Variants in DNAH11 observed in about 807,000 individuals in gnomAD.
DNAH11 encodes the protein axonemal beta dynein heavy chain 11.
Under a neutral mutation model 526.0 loss-of-function variants are expected in DNAH11, and 442 were observed. That is an observed-to-expected ratio of 0.84 (90% CI 0.78 to 0.91). The LOEUF is 0.91. Ranked by LOEUF, DNAH11 falls within the 40% of genes least tolerant of loss-of-function variation. The pLI, the probability that DNAH11 is intolerant of heterozygous loss-of-function variation, is 0.00. For synonymous variants in DNAH11, 2,461 were observed against 1,935.9 expected (o/e 1.27, Z -7.12); for missense variants, 6,989 against 5,448.7 (o/e 1.28, Z -8.90).
At chr7:21,657,452 G>A (rs1032729553) in intron 29 of DNAH11, among the ~76,000 whole-genome samples, 21 of 152,166 alleles carry the variant, frequency 1.4e-4, no homozygotes, top group African/African-American at 4.3e-4. Flanking sequence ...AGTTCTCAAA[G>A]CATACTGAGT....
chr7:21,778,827 G>A (rs780978165), intron 56 of DNAH11, 131 bp from the exon 57 acceptor site: 30 of 1,102,302 alleles, frequency 2.7e-5, no homozygotes, highest in Non-Finnish European at 3.7e-5. Context: ...AGAAGACAGT[G>A]AAAATCAGGG....
At chr7:21,809,573 GTTTT>G (rs910929453) in intron 63 of DNAH11, among the ~76,000 whole-genome samples, 6 of 151,764 alleles carry the variant, frequency 4.0e-5, no homozygotes, top group Admixed American at 3.9e-4. Context: ...GTTATATTTT[GTTTT>G]TTTGAGACGG....
At chr7:21,653,090 G>A (rs1417288538) in intron 28 of DNAH11, among the ~76,000 whole-genome samples, 1 of 152,116 alleles carries the variant, frequency 6.6e-6, no homozygotes, top group African/African-American at 2.4e-5. Context: ...TGGTCAGGCT[G>A]GTTTGGAACT....
At chr7:21,669,529 G>A (rs915264786) in intron 30 of DNAH11, among the ~76,000 whole-genome samples, 2 of 151,972 alleles carry the variant, frequency 1.3e-5, no homozygotes, top group Non-Finnish European at 1.5e-5. Flanking sequence ...TTTTTTGTTC[G>A]AAAATGGACT....
At chr7:21,705,430 G>A in intron 38 of DNAH11, 30 bp from the exon 39 acceptor site, 1 of 1,612,284 alleles carries the variant, frequency 6.2e-7, no homozygotes, top group Non-Finnish European at 8.5e-7. Flanking sequence ...CTCCTTAAAG[G>A]AAACCAGCAA....
At chr7:21,746,581 C>T (rs1583653954) in intron 51 of DNAH11, among the ~76,000 whole-genome samples, 1 of 152,028 alleles carries the variant, frequency 6.6e-6, no homozygotes, top group East Asian at 1.9e-4. Context: ...CTAGCCTAAG[C>T]AACAGAGTGA....
chr7:21,762,517 T>A (rs1786966956), intron 54 of DNAH11, among the ~76,000 whole-genome samples: 1 of 152,154 alleles, frequency 6.6e-6, no homozygotes, highest in Admixed American at 6.5e-5. Flanking sequence ...GGAGAAATAT[T>A]CAAGTATAAG....
At chr7:21,872,139 A>AAAAACAAACAAAC (rs1206706578) in intron 73 of DNAH11, among the ~76,000 whole-genome samples, 1 of 113,960 alleles carries the variant, frequency 8.8e-6, no homozygotes, top group African/African-American at 5.1e-5. Context: ...AAAAAAAAAA[A>AAAAACAAACAAAC]AAAAAAAAAA....
intron 44 of DNAH11, among the ~76,000 whole-genome samples, chr7:21,721,774 G>T (rs1784884276): frequency 6.6e-6 from 1 of 152,104 alleles, no homozygotes; most frequent in South Asian, 2.1e-4. Flanking sequence ...GTGGGATGTG[G>T]GAGGGGGGAT....
chr7:21,733,393 A>T (rs555994215), intron 45 of DNAH11, among the ~76,000 whole-genome samples: 33 of 152,314 alleles, frequency 2.2e-4, no homozygotes, highest in African/African-American at 7.7e-4. Flanking sequence ...CATCTCAAAA[A>T]AAAAGAAGCA....
At chr7:21,726,200 A>G (rs546487438) in intron 45 of DNAH11, among the ~76,000 whole-genome samples, 1 of 152,170 alleles carries the variant, frequency 6.6e-6, no homozygotes, top group Non-Finnish European at 1.5e-5. Context: ...CCAAAGGGGA[A>G]ACAAGAGAGA....
Position 21,861,850 on chromosome 7 carries a change from C to T in DNAH11, c.11203-3C>T, listed in dbSNP as rs373527924. Reference sequence around the variant, plus strand: ...ATTTTAATGGTCACATTAAATTTCCCAGGCTTTTAACGTGCTGTTCCACAG... The same window carrying T: ...ATTTTAATGGTCACATTAAATTTCCTAGGCTTTTAACGTGCTGTTCCACAG... On this transcript the variant is annotated splice_region_variant and splice_polypyrimidine_tract_variant and intron_variant, in intron 68 of 81. Transcript: ENST00000409508. The T allele has an allele frequency of 6.2e-7, 1 of 1,608,824 alleles. No homozygotes were observed. The highest frequency in any genetic ancestry group is 1.3e-5 in the African/African-American group (1 of 74,644).
intron 8 of DNAH11, among the ~76,000 whole-genome samples, chr7:21,579,533 G>T (rs1164161479): frequency 6.6e-6 from 1 of 152,148 alleles, no homozygotes; most frequent in East Asian, 1.9e-4. Context: ...AAATAGAAAT[G>T]AAGCAGGTGA....
chr7:21,894,978 C>A lies in DNAH11; in HGVS notation c.13028C>A (p.Ser4343Tyr). 1 of 1,613,962 alleles carries A rather than the reference C, an allele frequency of 6.2e-7. No individual in the cohort carries two copies. Among genetic ancestry groups the A allele is most frequent in the Non-Finnish European group, 8.5e-7 (1 of 1,179,874 alleles). Reference sequence around the variant, plus strand: ...ACTTGGAGCAAACTGGCTTATCCTTCTACTTATGGCCTAGCCCAGTGGTAA... The same window carrying A: ...ACTTGGAGCAAACTGGCTTATCCTTATACTTATGGCCTAGCCCAGTGGTAA... ...PDTWSKLAYPSTYGLAQWFND... is the reference protein window; with the variant it reads ...PDTWSKLAYPYTYGLAQWFND... The change falls in exon 79 of 82, where the codon TCT becomes TAT. Residue 4343 changes from serine to tyrosine, a missense_variant. Physicochemically the swap from Ser to Tyr is moderately radical, Grantham distance 144 (BLOSUM62 -2). Coordinates refer to ENST00000409508, the MANE Select transcript of DNAH11 (RefSeq NM_001277115.2).
chr7:21,734,196 G>A (rs1785508208), intron 45 of DNAH11, among the ~76,000 whole-genome samples: 1 of 152,106 alleles, frequency 6.6e-6, no homozygotes, highest in Admixed American at 6.5e-5. Flanking sequence ...TGTTCTTTAA[G>A]CTTTAGTTTC....
chr7:21,835,658 TAAAC>T (rs901204869), intron 65 of DNAH11, among the ~76,000 whole-genome samples: 5 of 152,224 alleles, frequency 3.3e-5, no homozygotes, highest in African/African-American at 1.2e-4. Context: ...GCTAACATAT[TAAAC>T]AGGGAAAAAC....
At position 21,576,493 on chromosome 7, in the gene DNAH11, T is replaced by C. The variant is rs117309860; in HGVS notation, c.1593+4520T>C. 7.6e-3 allele frequency among the ~76,000 whole-genome samples: 1,155 copies of C among 152,278 alleles called. 12 individuals carry two copies. Among genetic ancestry groups the C allele is most frequent in the South Asian group, 0.037 (176 of 4,820 alleles). On this transcript the variant is annotated intron_variant, in intron 8 of 81. Coordinates refer to ENST00000409508, the MANE Select transcript of DNAH11 (RefSeq NM_001277115.2). ...GAAAGATGTAAACTCTGATAGAGGG[T>C]ATGGATAATATGTTTGATCCTTTCT...
chr7:21,626,070 A>C (rs1182743862), intron 25 of DNAH11, among the ~76,000 whole-genome samples: 1 of 152,154 alleles, frequency 6.6e-6, no homozygotes. Flanking sequence ...TGCTAAAACT[A>C]CTGGAATTTT....
chr7:21,785,215 AG>A (rs1336528141), intron 58 of DNAH11, among the ~76,000 whole-genome samples: 1 of 152,202 alleles, frequency 6.6e-6, no homozygotes, highest in African/African-American at 2.4e-5. Flanking sequence ...CATTTCAAAA[AG>A]GAAAGAATCG....
Sources: gnomAD v4.1 joint callset for allele counts (sites outside exome capture counted in the v4.1 genomes callset) on GRCh38, gnomAD v4.1.1 for gene constraint, MANE v1.5 for transcripts, NCBI Gene and HGNC (gene_info 2026-07-23, HGNC 2026-07-21) for gene names.